The following GLIS3 variants were observed in gnomAD, a reference collection of about 807,000 sequenced individuals.
GLIS3 encodes the protein GLIS family zinc finger 3.
In GLIS3, 53 loss-of-function variants were observed where a neutral mutation model predicts 78.6. That is an observed-to-expected ratio of 0.67 (90% CI 0.54 to 0.85). GLIS3 has a LOEUF of 0.85. Among genes scored for constraint, GLIS3 ranks in the 40% least tolerant of loss-of-function variants. GLIS3 has a pLI of 0.00. For synonymous variants in GLIS3, 684 were observed against 509.9 expected, an observed-to-expected ratio of 1.34 and a Z score of -4.60; for missense variants, 1,703 against 1,231.1, an observed-to-expected ratio of 1.38 and a Z score of -5.74.
At chr9:3,844,709 A>G (rs966869395) in intron 9 of GLIS3, among the ~76,000 whole-genome samples, 1 of 152,200 alleles carries the variant, frequency 6.6e-6, no homozygotes. Flanking sequence ...CTTGACTGAC[A>G]GGGTGAAAGA....
At chr9:4,251,954 G>C (rs1361462515) in intron 2 of GLIS3, among the ~76,000 whole-genome samples, 1 of 152,168 alleles carries the variant, frequency 6.6e-6, no homozygotes, top group African/African-American at 2.4e-5. Flanking sequence ...CTGGCTTGTA[G>C]GGTTTGTGCC....
intron 2 of GLIS3, among the ~76,000 whole-genome samples, chr9:4,316,350 G>A (rs1465010416): frequency 6.6e-6 from 1 of 152,004 alleles, no homozygotes; most frequent in South Asian, 2.1e-4. Flanking sequence ...ATTTTTTGTG[G>A]GTCCTTAACT....
At chr9:4,334,342 A>G (rs1817723750) in intron 2 of GLIS3, among the ~76,000 whole-genome samples, 1 of 152,198 alleles carries the variant, frequency 6.6e-6, no homozygotes, top group African/African-American at 2.4e-5. Context: ...CAACAATTAA[A>G]ACGTGGCAGC....
the GLIS3 span, among the ~76,000 whole-genome samples, chr9:4,410,946 G>T: frequency 1.2e-4 from 18 of 151,958 alleles, no homozygotes; most frequent in African/African-American, 4.1e-4. Context: ...CAAACTCTTG[G>T]GTTTTTTTCT....
Position 4,143,564 on chromosome 9 carries a change from C to CA in GLIS3, c.389-17624dup, listed in dbSNP as rs57238941. 0.011 allele frequency among the ~76,000 whole-genome samples: 1,585 copies of CA among 142,786 alleles called. 78 individuals are homozygous for CA. The East Asian group carries it at 0.17, about 15-fold the overall frequency. The allele number at this position is 142,786 out of a possible 152,430, so 93.7% of individuals were successfully genotyped here. A position where few individuals can be genotyped will look rare whatever the true frequency, so the allele number is the denominator to read the frequency against. ...CCTGGGCGACAGAGCAAGACTGTCT[C>CA]AAAAAAAAAAATAAAAACAAAAAAA... On this transcript the variant is annotated intron_variant, in intron 2 of 10. Coordinates refer to ENST00000381971, the MANE Select transcript of GLIS3 (RefSeq NM_001042413.2).
At chr9:4,264,902 C>T (rs1365682771) in intron 2 of GLIS3, among the ~76,000 whole-genome samples, 4 of 152,096 alleles carry the variant, frequency 2.6e-5, no homozygotes, top group Non-Finnish European at 5.9e-5. Flanking sequence ...CACAGTGGCT[C>T]ACGCCTGTAA....
At chr9:4,353,805 T>C in the GLIS3 span, among the ~76,000 whole-genome samples, 1 of 152,150 alleles carries the variant, frequency 6.6e-6, no homozygotes, top group Non-Finnish European at 1.5e-5. Flanking sequence ...ATTCGGTGCC[T>C]GTAGCTGTTG....
intron 2 of GLIS3, among the ~76,000 whole-genome samples, chr9:4,277,632 T>C (rs1827150264): frequency 6.6e-6 from 1 of 152,158 alleles, no homozygotes; most frequent in Admixed American, 6.6e-5. Context: ...ACTCCCTTTG[T>C]CTCCAAGGAC....
chr9:4,215,310 G>C (rs919472175), intron 2 of GLIS3, among the ~76,000 whole-genome samples: 5 of 144,800 alleles, frequency 3.5e-5, no homozygotes, highest in African/African-American at 5.2e-5. Context: ...GGAGAGATGA[G>C]AGGAGTGTGT....
intron 4 of GLIS3, among the ~76,000 whole-genome samples, chr9:4,054,830 C>T (rs1001696373): frequency 1.3e-5 from 2 of 151,856 alleles, no homozygotes; most frequent in African/African-American, 4.8e-5. Context: ...GTCAGTTTTC[C>T]ACATTTTGCC....
At chr9:4,283,267 TTG>T (rs770627305) in intron 2 of GLIS3, among the ~76,000 whole-genome samples, 12,520 of 88,960 alleles carry the variant, frequency 0.14, 553 homozygotes, top group African/African-American at 0.27. Context: ...TTTTGTTTTT[TTG>T]TTTTTTTTTT....
At chr9:4,037,870 A>C (rs1824466425) in intron 4 of GLIS3, among the ~76,000 whole-genome samples, 2 of 152,136 alleles carry the variant, frequency 1.3e-5, no homozygotes, top group Non-Finnish European at 2.9e-5. Context: ...GCTGTGGAGA[A>C]ATTTCACTTT....
chr9:4,276,629 G>C (rs957840099), intron 2 of GLIS3, among the ~76,000 whole-genome samples: 2 of 152,116 alleles, frequency 1.3e-5, no homozygotes, highest in Non-Finnish European at 2.9e-5. Context: ...TTCATGTCCT[G>C]TAGCATTTGA....
rs1349393752 is a variant in GLIS3 at position 3,909,686 on chromosome 9, C to G, written c.1984-10851G>C. Among the ~76,000 whole-genome samples the G allele has an allele frequency of 2.0e-5, 3 of 152,060 alleles. No individual in the cohort carries two copies. In the East Asian group the frequency reaches 5.8e-4, roughly 29 times the overall value. On this transcript the variant is annotated intron_variant, in intron 6 of 10. Coordinates refer to ENST00000381971, the MANE Select transcript of GLIS3 (RefSeq NM_001042413.2). ...AAAATCAGTGTCAGTATGGACACAA[C>G]AAAACTAATGATTATTTAGTAAGAA...
At chr9:4,014,058 G>A (rs187864859) in intron 4 of GLIS3, among the ~76,000 whole-genome samples, 4 of 152,156 alleles carry the variant, frequency 2.6e-5, no homozygotes, top group African/African-American at 9.7e-5. Context: ...TGCAGAAGAG[G>A]CTTCACATGT....
intron 4 of GLIS3, among the ~76,000 whole-genome samples, chr9:3,968,759 G>C (rs767904969): frequency 5.3e-5 from 8 of 152,136 alleles, no homozygotes; most frequent in Non-Finnish European, 1.2e-4. Flanking sequence ...CATAGATCAA[G>C]TAATAGTACA....
intron 8 of GLIS3, among the ~76,000 whole-genome samples, chr9:3,877,553 C>G (rs1352935169): frequency 6.6e-6 from 1 of 152,162 alleles, no homozygotes; most frequent in African/African-American, 2.4e-5. Context: ...CCCTTCTCCT[C>G]CACTCAACAT....
intron 2 of GLIS3, among the ~76,000 whole-genome samples, chr9:4,148,458 C>T (rs973813599): frequency 2.0e-5 from 3 of 152,118 alleles, no homozygotes; most frequent in African/African-American, 7.2e-5. Flanking sequence ...CCTCCAATGC[C>T]AGGTTTACAG....
intron 4 of GLIS3, among the ~76,000 whole-genome samples, chr9:3,996,988 T>A (rs1820792442): frequency 6.6e-6 from 1 of 152,166 alleles, no homozygotes; most frequent in Admixed American, 6.5e-5. Flanking sequence ...TCTTAAATAA[T>A]ACCATAATCA....
Sources: gnomAD v4.1 joint callset for allele counts (sites outside exome capture counted in the v4.1 genomes callset) on GRCh38, gnomAD v4.1.1 for gene constraint, MANE v1.5 for transcripts, NCBI Gene and HGNC (gene_info 2026-07-23, HGNC 2026-07-21) for gene names.